SYN3: variants seen among roughly 807,000 people sequenced by gnomAD.
SYN3 encodes the protein synapsin-3.
A neutral mutation model predicts 65.8 loss-of-function variants in SYN3; 35 were observed. That is an observed-to-expected ratio of 0.53 (90% CI 0.41 to 0.70). The LOEUF is 0.70. SYN3 is among the 30% of genes least tolerant of loss of function. The pLI is 0.00. For synonymous variants in SYN3, 270 were observed against 292.9 expected (o/e 0.92, Z 0.80); for missense variants, 680 against 749.0 (o/e 0.91, Z 1.08).
chr22:32,517,040 A>C (rs1413676135), intron 13 of SYN3, among the ~76,000 whole-genome samples: 1 of 152,202 alleles, frequency 6.6e-6, no homozygotes, highest in African/African-American at 2.4e-5. Context: ...GATGGGCCTG[A>C]GAGGAAACAG....
chr22:32,694,732 C>G (rs186435590), intron 6 of SYN3, among the ~76,000 whole-genome samples: 1 of 152,140 alleles, frequency 6.6e-6, no homozygotes, highest in African/African-American at 2.4e-5. Flanking sequence ...ATCCTAGAAC[C>G]AATCCTCTAT....
At position 32,748,896 on chromosome 22, in the gene SYN3, A is replaced by G. The variant is rs149038503; in HGVS notation, c.711+116019T>C. On this transcript the variant is annotated intron_variant, in intron 6 of 13. Coordinates refer to ENST00000358763, the MANE Select transcript of SYN3 (RefSeq NM_003490.4). ...CACGGTTCTGGCTTAGCTAGTGACTAAAACTCCATTCTGGTGATACTTTTG... is the reference window on the plus strand; with the variant it reads ...CACGGTTCTGGCTTAGCTAGTGACTGAAACTCCATTCTGGTGATACTTTTG... Among the ~76,000 whole-genome samples, 99 of 152,282 alleles carry G rather than the reference A, an allele frequency of 6.5e-4. 1 individual carries two copies. The highest frequency in any genetic ancestry group is 1.1e-3 in the Non-Finnish European group (74 of 68,004).
At chr22:32,541,773 A>G in intron 7 of SYN3, 60 bp from the exon 8 acceptor site, 1 of 1,568,838 alleles carries the variant, frequency 6.4e-7, no homozygotes, top group South Asian at 1.2e-5. Context: ...AGCCCACCCT[A>G]TGCCAGGAAC....
chr22:33,012,853 G>A (rs574275485), intron 1 of SYN3, among the ~76,000 whole-genome samples: 1 of 152,356 alleles, frequency 6.6e-6, no homozygotes, highest in East Asian at 1.9e-4. Flanking sequence ...CCACCTAAAT[G>A]TATATTTCAC....
intron 2 of SYN3, among the ~76,000 whole-genome samples, chr22:32,994,334 C>T (rs1601864566): frequency 6.6e-6 from 1 of 152,056 alleles, no homozygotes; most frequent in Non-Finnish European, 1.5e-5. Flanking sequence ...GGGGGTGCAG[C>T]GTGGGTGCCC....
intron 6 of SYN3, among the ~76,000 whole-genome samples, chr22:32,628,532 C>A (rs1268310035): frequency 1.3e-5 from 2 of 152,124 alleles, no homozygotes; most frequent in African/African-American, 4.8e-5. Flanking sequence ...GGAAGAAGAG[C>A]TCTCAGGGGA....
At chr22:32,864,837 C>T in intron 6 of SYN3, 78 bp downstream of exon 6, 1 of 1,318,276 alleles carries the variant, frequency 7.6e-7, no homozygotes, top group Non-Finnish European at 1.1e-6. Context: ...CCACCTCCTC[C>T]ATCCAAAGAG....
chr22:32,856,960 TCCA>T (rs2048386551), intron 6 of SYN3, among the ~76,000 whole-genome samples: 1 of 152,212 alleles, frequency 6.6e-6, no homozygotes, highest in Admixed American at 6.5e-5. Context: ...GACCTCCAGT[TCCA>T]GCTGCATTGC....
At chr22:32,723,359 C>T (rs2061146216) in intron 6 of SYN3, among the ~76,000 whole-genome samples, 1 of 152,170 alleles carries the variant, frequency 6.6e-6, no homozygotes. Flanking sequence ...TAGAACAGTG[C>T]AGGAAGGGCT....
chr22:32,942,143 GCCT>G (rs1395320975), intron 3 of SYN3, among the ~76,000 whole-genome samples: 2 of 152,202 alleles, frequency 1.3e-5, no homozygotes, highest in Non-Finnish European at 1.5e-5. Context: ...CAGACAGACT[GCCT>G]CCTCAAGTGG....
intron 6 of SYN3, among the ~76,000 whole-genome samples, chr22:32,857,629 A>G (rs1324465979): frequency 6.6e-6 from 1 of 152,200 alleles, no homozygotes; most frequent in Non-Finnish European, 1.5e-5. Flanking sequence ...AAAAGGGAGT[A>G]TCTGTTCCTC....
chr22:32,942,637 C>G (rs2050975942), intron 3 of SYN3, among the ~76,000 whole-genome samples: 1 of 152,138 alleles, frequency 6.6e-6, no homozygotes, highest in African/African-American at 2.4e-5. Context: ...TTCAGACGAT[C>G]AAACTTCTCT....
intron 6 of SYN3, among the ~76,000 whole-genome samples, chr22:32,644,614 C>T (rs2059957853): frequency 6.6e-6 from 1 of 152,198 alleles, no homozygotes; most frequent in Admixed American, 6.5e-5. Flanking sequence ...GGAAACTGAA[C>T]TGCTGGGCAG....
chr22:32,821,434 A>G (rs2047243561), intron 6 of SYN3, among the ~76,000 whole-genome samples: 1 of 152,202 alleles, frequency 6.6e-6, no homozygotes, highest in Admixed American at 6.5e-5. Context: ...GAAGTCAAAG[A>G]AGGTGGGTGT....
At chr22:32,538,239 C>T (rs2239765) in intron 8 of SYN3, 129 bp from the exon 9 acceptor site, 78 of 753,284 alleles carry the variant, frequency 1.0e-4, no homozygotes, top group Admixed American at 2.2e-4. Context: ...TGTATTCTTA[C>T]GTACACACCT....
At position 33,031,501 on chromosome 22, in the gene SYN3, C is replaced by T. The variant is rs558041701; in HGVS notation, c.-162-24677G>A. On this transcript the variant is annotated intron_variant, in intron 1 of 13. Transcript: ENST00000358763. ...ACATCTCCCCACTGGACAAAGGCAG[C>T]TCTCCTTTGGTTTCCTGCCTCCCCA... Among the ~76,000 whole-genome samples the T allele has an allele frequency of 7.2e-5, 11 of 152,222 alleles. No homozygotes were observed. The East Asian group carries it at 1.7e-3, about 24-fold the overall frequency.
At chr22:32,558,673 G>A (rs955809650) in intron 7 of SYN3, among the ~76,000 whole-genome samples, 20 of 152,360 alleles carry the variant, frequency 1.3e-4, no homozygotes, top group African/African-American at 4.8e-4. Flanking sequence ...CATGGGGCAG[G>A]TGCCTAGTCT....
chr22:32,594,563 C>T (rs2059171974), intron 7 of SYN3, among the ~76,000 whole-genome samples: 1 of 151,896 alleles, frequency 6.6e-6, no homozygotes, highest in African/African-American at 2.4e-5. Context: ...TCTCGGCTAA[C>T]CGCAACCTCC....
chr22:32,528,139 A>T, intron 11 of SYN3, 134 bp from the exon 12 acceptor site: 1 of 729,594 alleles, frequency 1.4e-6, no homozygotes, highest in Non-Finnish European at 2.2e-6. Context: ...GTTCTGGAGT[A>T]TACAGTGTAG....
Sources: allele counts gnomAD v4.1 joint callset (sites outside exome capture counted in the v4.1 genomes callset), GRCh38; gene constraint gnomAD v4.1.1; transcripts MANE v1.5; gene names NCBI Gene and HGNC (gene_info 2026-07-23, HGNC 2026-07-21).